The following CFAP58 variants were observed in gnomAD, a reference collection of about 807,000 sequenced individuals.
CFAP58 encodes cilia- and flagella-associated protein 58.
A neutral mutation model predicts 119.5 loss-of-function variants in CFAP58; 88 were observed. The ratio of observed to expected loss-of-function variants is 0.74; its 90% CI spans 0.62 to 0.88. The LOEUF (loss-of-function observed/expected upper bound fraction) is 0.88, where lower values mean the gene tolerates loss of function less well. Among genes scored for constraint, CFAP58 ranks in the 40% least tolerant of loss-of-function variants. The pLI, the probability that CFAP58 is intolerant of heterozygous loss-of-function variation, is 0.00. For missense variants in CFAP58, 990 were observed against 1,021.2 expected (o/e 0.97, Z 0.42); for synonymous variants, 365 against 366.3 (o/e 1.00, Z 0.04).
rs1273473694 is a variant in CFAP58, at chr10:104,357,995, GTACACATATA to G, written c.10-334_10-325del. On this transcript the variant is annotated intron_variant, in intron 1 of 17. Transcript: ENST00000369704. ...CATATGTACATATGTACACATATAT[GTACACATATA>G]TACACATATATGTACATATATATAC... 1.3e-4 allele frequency among the ~76,000 whole-genome samples: 18 copies of G among 136,536 alleles called. 1 individual carries two copies. The highest frequency in any genetic ancestry group is 7.0e-4 in the East Asian group (3 of 4,292). 89.6% of individuals were successfully genotyped at this position (136,536 alleles called of 152,430 possible). A position where few individuals can be genotyped will look rare whatever the true frequency, so the allele number is the denominator to read the frequency against.
intron 2 of CFAP58, among the ~76,000 whole-genome samples, chr10:104,359,655 G>A (rs2014640419): frequency 6.6e-6 from 1 of 152,146 alleles, no homozygotes; most frequent in African/African-American, 2.4e-5. Flanking sequence ...AAATTAGCTG[G>A]GCGTGGTGGC....
chr10:104,413,376 G>A (rs1428463531), intron 15 of CFAP58, among the ~76,000 whole-genome samples: 5 of 152,188 alleles, frequency 3.3e-5, no homozygotes, highest in Non-Finnish European at 7.3e-5. Flanking sequence ...TGGGATTAAC[G>A]TGAAAATGGT....
chr10:104,396,389 AG>A (rs2012156185), intron 11 of CFAP58, among the ~76,000 whole-genome samples: 1 of 30,444 alleles, frequency 3.3e-5, no homozygotes, highest in Admixed American at 2.5e-4. Context: ...AGAGAGAGAG[AG>A]AGAGAGAGAG....
At chr10:104,359,631 T>A (rs1469866867) in intron 2 of CFAP58, among the ~76,000 whole-genome samples, 2 of 152,114 alleles carry the variant, frequency 1.3e-5, no homozygotes, top group African/African-American at 4.8e-5. Context: ...ACCCCGTCTC[T>A]ACCAAAAATA....
intron 15 of CFAP58, among the ~76,000 whole-genome samples, chr10:104,421,833 T>C (rs2012663433): frequency 6.6e-6 from 1 of 152,240 alleles, no homozygotes; most frequent in African/African-American, 2.4e-5. Flanking sequence ...ATCAAGCACA[T>C]AGCTCAAGGA....
the CFAP58 span, among the ~76,000 whole-genome samples, chr10:104,342,011 A>C: frequency 1.3e-3 from 193 of 152,348 alleles, 1 homozygote; most frequent in African/African-American, 4.5e-3. Context: ...GGAATACCAG[A>C]CTGTAATTTT....
At chr10:104,415,164 AG>A in intron 15 of CFAP58, among the ~76,000 whole-genome samples, 1 of 152,258 alleles carries the variant, frequency 6.6e-6, no homozygotes, top group Non-Finnish European at 1.5e-5. Flanking sequence ...TGGAGTGGGC[AG>A]GTGTCTCAGT....
At chr10:104,377,506 A>G (rs367625472) in intron 8 of CFAP58, among the ~76,000 whole-genome samples, 1 of 152,114 alleles carries the variant, frequency 6.6e-6, no homozygotes, top group East Asian at 1.9e-4. Flanking sequence ...CTTCCTGAAG[A>G]GTTTTTCCAT....
At chr10:104,437,372 C>T (rs771184743) in intron 15 of CFAP58, among the ~76,000 whole-genome samples, 4 of 152,198 alleles carry the variant, frequency 2.6e-5, no homozygotes, top group Non-Finnish European at 5.9e-5. Context: ...TATTAACAAA[C>T]GAGCTTGCCA....
At chr10:104,411,994 T>G (rs34012315) in intron 15 of CFAP58, among the ~76,000 whole-genome samples, 10,749 of 152,204 alleles carry the variant, frequency 0.071, 535 homozygotes, top group Admixed American at 0.11. Flanking sequence ...CAGCTATCCC[T>G]CAGGGGAGAG....
intron 6 of CFAP58, among the ~76,000 whole-genome samples, chr10:104,368,825 AC>A (rs555901508): frequency 3.9e-4 from 60 of 152,316 alleles, no homozygotes; most frequent in Non-Finnish European, 6.8e-4. Flanking sequence ...TATCTCTGTA[AC>A]TAGCTTTGCA....
At chr10:104,407,048 C>T (rs1306038209) in intron 15 of CFAP58, among the ~76,000 whole-genome samples, 5 of 152,220 alleles carry the variant, frequency 3.3e-5, no homozygotes, top group Non-Finnish European at 7.3e-5. Context: ...GAGCAACCCC[C>T]ATCCCACTTC....
intron 11 of CFAP58, among the ~76,000 whole-genome samples, chr10:104,395,043 T>G (rs1229714546): frequency 1.3e-5 from 2 of 152,260 alleles, no homozygotes; most frequent in African/African-American, 4.8e-5. Context: ...CTAGTAATGC[T>G]CTATTCAAAA....
chr10:104,397,733 G>C (rs1034560805), intron 11 of CFAP58, among the ~76,000 whole-genome samples: 1 of 152,160 alleles, frequency 6.6e-6, no homozygotes, highest in Non-Finnish European at 1.5e-5. Flanking sequence ...TCCAGCATGG[G>C]GGAAAGCAGA....
Position 104,403,854 on chromosome 10 carries a change from G to T in CFAP58, c.2151+14G>T. The T allele has an allele frequency of 6.5e-7, 1 of 1,539,476 alleles. No individual in the cohort carries two copies. The highest frequency in any genetic ancestry group is 8.9e-7 in the Non-Finnish European group (1 of 1,118,854). ...AGGAAGCTCGAGGTAACATCTGGCA[G>T]CGTGTTCTCCCCATCCCCAAATCTC... is the stretch of plus-strand genomic sequence containing the variant. On this transcript the variant is annotated intron_variant, in intron 14 of 17. Coordinates refer to ENST00000369704, the MANE Select transcript of CFAP58 (RefSeq NM_001008723.2).
At chr10:104,373,031 T>A (rs1458069080) in intron 7 of CFAP58, among the ~76,000 whole-genome samples, 1 of 152,094 alleles carries the variant, frequency 6.6e-6, no homozygotes, top group East Asian at 1.9e-4. Flanking sequence ...TAGAGTTCAG[T>A]AGGGTGGCAG....
chr10:104,451,770 G>A (rs1189797779), intron 17 of CFAP58, among the ~76,000 whole-genome samples: 1 of 152,138 alleles, frequency 6.6e-6, no homozygotes, highest in Non-Finnish European at 1.5e-5. Context: ...GAGTCTTACT[G>A]TGTCACCCAG....
rs772061671 is a variant in CFAP58, at chr10:104,358,377, T to C, written c.46T>C (p.Phe16Leu). The C allele has an allele frequency of 5.0e-6, 8 of 1,613,780 alleles. No homozygotes were observed. In the Admixed American group the frequency reaches 1.3e-4, roughly 27 times the overall value. Reference sequence around the variant, plus strand: ...AAAGCAAGTCCTGGAAGAATCTGCATTTGAAGAAATGGAAAGAGATTTTCA... The same window carrying C: ...AAAGCAAGTCCTGGAAGAATCTGCACTTGAAGAAATGGAAAGAGATTTTCA... The part of the protein sequence containing the change: ...GGKQVLEESA[F>L]EEMERDFQGV... The change falls in exon 2 of 18, where the codon TTT becomes CTT. Residue 16 changes from phenylalanine to leucine, a missense_variant. Coordinates refer to ENST00000369704, the MANE Select transcript of CFAP58 (RefSeq NM_001008723.2).
chr10:104,417,672 C>A (rs1589928963), intron 15 of CFAP58, among the ~76,000 whole-genome samples: 1 of 152,194 alleles, frequency 6.6e-6, no homozygotes, highest in South Asian at 2.1e-4. Context: ...AGGGAAATGG[C>A]AGTCACAGCT....
Sources: gnomAD v4.1 joint callset for allele counts (sites outside exome capture counted in the v4.1 genomes callset) on GRCh38, gnomAD v4.1.1 for gene constraint, MANE v1.5 for transcripts, NCBI Gene and HGNC (gene_info 2026-07-23, HGNC 2026-07-21) for gene names.